Variants in CARMIL1 observed in about 807,000 individuals in gnomAD.
CARMIL1 encodes capping protein regulator and myosin 1 linker 1, also known as F-actin-uncapping protein LRRC16A.
A neutral mutation model predicts 177.1 loss-of-function variants in CARMIL1; 90 were observed. That is an observed-to-expected ratio of 0.51 (90% confidence interval 0.43 to 0.61). CARMIL1 has a LOEUF of 0.61. Among genes scored for constraint, CARMIL1 ranks in the 20% least tolerant of loss-of-function variants. The pLI, the probability that CARMIL1 is intolerant of heterozygous loss-of-function variation, is 0.00. For synonymous variants in CARMIL1, 577 were observed against 606.2 expected (o/e 0.95, Z 0.71); for missense variants, 1,380 against 1,667.0 (o/e 0.83, Z 3.00).
intron 2 of CARMIL1, among the ~76,000 whole-genome samples, chr6:25,409,749 A>G (rs1328990306): frequency 2.6e-5 from 4 of 152,156 alleles, no homozygotes; most frequent in Non-Finnish European, 1.5e-5. Context: ...TGCGAGTACC[A>G]TGTATATACT....
intron 17 of CARMIL1, among the ~76,000 whole-genome samples, chr6:25,507,033 G>A (rs765861348): frequency 1.3e-5 from 2 of 152,078 alleles, no homozygotes; most frequent in Non-Finnish European, 2.9e-5. Flanking sequence ...ATTTTTAACC[G>A]TTTAAAAAGT....
chr6:25,573,916 G>A (rs1184231306), intron 29 of CARMIL1, among the ~76,000 whole-genome samples: 1 of 152,118 alleles, frequency 6.6e-6, no homozygotes, highest in Non-Finnish European at 1.5e-5. Context: ...CTTGGGCTCT[G>A]GAAAACAATA....
chr6:25,489,690 C>T (rs554581763), intron 13 of CARMIL1, among the ~76,000 whole-genome samples: 52 of 152,242 alleles, frequency 3.4e-4, no homozygotes, highest in Non-Finnish European at 6.0e-4. Flanking sequence ...TTTTGGTTTA[C>T]CTGTAAGGCA....
At chr6:25,611,235 G>T (rs1259598501) in intron 36 of CARMIL1, among the ~76,000 whole-genome samples, 1 of 152,144 alleles carries the variant, frequency 6.6e-6, no homozygotes, top group Middle Eastern at 3.2e-3. Context: ...TCACTTATTT[G>T]CTATAAATAA....
chr6:25,493,890 C>T (rs79663265), intron 15 of CARMIL1, among the ~76,000 whole-genome samples: 4,943 of 152,144 alleles, frequency 0.032, 114 homozygotes, highest in South Asian at 0.12. Context: ...TATATGGAAA[C>T]AGAGTTGTTT....
intron 2 of CARMIL1, among the ~76,000 whole-genome samples, chr6:25,310,933 CG>C (rs1783766654): frequency 6.6e-6 from 1 of 151,972 alleles, no homozygotes; most frequent in Admixed American, 6.6e-5. Flanking sequence ...GGGTTGAGGC[CG>C]GGTGCGGTGG....
intron 35 of CARMIL1, among the ~76,000 whole-genome samples, chr6:25,608,977 A>C (rs1816254310): frequency 6.6e-6 from 1 of 152,196 alleles, no homozygotes; most frequent in South Asian, 2.1e-4. Flanking sequence ...ATATGCTGAC[A>C]CTAACAATAG....
intron 29 of CARMIL1, among the ~76,000 whole-genome samples, chr6:25,578,919 G>C (rs1812856181): frequency 6.6e-6 from 1 of 152,022 alleles, no homozygotes; most frequent in African/African-American, 2.4e-5. Flanking sequence ...AAGACCAAGA[G>C]GAGAAAACTA....
intron 9 of CARMIL1, among the ~76,000 whole-genome samples, chr6:25,467,508 C>A (rs1370188649): frequency 6.6e-6 from 1 of 152,202 alleles, no homozygotes; most frequent in Non-Finnish European, 1.5e-5. Flanking sequence ...GGATATCTCA[C>A]TTTTGGAGAG....
At chr6:25,307,681 T>C (rs1045873273) in intron 2 of CARMIL1, among the ~76,000 whole-genome samples, 1 of 152,188 alleles carries the variant, frequency 6.6e-6, no homozygotes, top group Non-Finnish European at 1.5e-5. Flanking sequence ...ATTTAGACAT[T>C]GGGGAAAGGC....
chr6:25,362,227 A>C (rs1033250993), intron 2 of CARMIL1, among the ~76,000 whole-genome samples: 3 of 152,116 alleles, frequency 2.0e-5, no homozygotes, highest in Non-Finnish European at 4.4e-5. Context: ...AGTTCCAGAA[A>C]GGAGTGCCTT....
intron 29 of CARMIL1, among the ~76,000 whole-genome samples, chr6:25,562,531 G>A (rs1011027479): frequency 1.8e-4 from 28 of 152,308 alleles, no homozygotes; most frequent in African/African-American, 5.5e-4. Flanking sequence ...ACAGGCATGA[G>A]CCACCGCACC....
At chr6:25,390,309 TA>T (rs1562073415) in intron 2 of CARMIL1, among the ~76,000 whole-genome samples, 7,462 of 63,866 alleles carry the variant, frequency 0.12, 468 homozygotes, top group Middle Eastern at 0.22. Context: ...TATATATATA[TA>T]TATATATATA....
At chr6:25,343,380 G>C (rs935299957) in intron 2 of CARMIL1, among the ~76,000 whole-genome samples, 2 of 151,174 alleles carry the variant, frequency 1.3e-5, no homozygotes, top group African/African-American at 4.9e-5. Flanking sequence ...CATGAACAAG[G>C]GATAAGTCTG....
intron 16 of CARMIL1, among the ~76,000 whole-genome samples, chr6:25,495,690 A>T (rs958832756): frequency 4.6e-5 from 7 of 152,208 alleles, no homozygotes; most frequent in Non-Finnish European, 7.3e-5. Context: ...TACTGAGGTT[A>T]GCATGGGCTA....
intron 2 of CARMIL1, among the ~76,000 whole-genome samples, chr6:25,387,169 T>C (rs1221432912): frequency 6.6e-6 from 1 of 151,162 alleles, no homozygotes; most frequent in East Asian, 2.0e-4. Flanking sequence ...TGATGTCACC[T>C]TTTACTTCAC....
intron 2 of CARMIL1, among the ~76,000 whole-genome samples, chr6:25,378,276 T>C (rs562869199): frequency 1.3e-5 from 2 of 152,316 alleles, no homozygotes; most frequent in East Asian, 1.9e-4. Flanking sequence ...TTTCAGACAG[T>C]TGACACTCAG....
chr6:25,347,124 CCTCT>C (rs775642711), intron 2 of CARMIL1, among the ~76,000 whole-genome samples: 53 of 152,314 alleles, frequency 3.5e-4, no homozygotes, highest in Admixed American at 9.2e-4. Flanking sequence ...TCAATAATCT[CCTCT>C]CTAAGAGGCA....
At chr6:25,512,368 A>G (rs1029911293) in intron 20 of CARMIL1, among the ~76,000 whole-genome samples, 1 of 152,220 alleles carries the variant, frequency 6.6e-6, no homozygotes, top group African/African-American at 2.4e-5. Context: ...AGTGGCACTC[A>G]TAATGCTGTA....
Sources: gnomAD v4.1 joint callset for allele counts (sites outside exome capture counted in the v4.1 genomes callset) on GRCh38, gnomAD v4.1.1 for gene constraint, MANE v1.5 for transcripts, NCBI Gene and HGNC (gene_info 2026-07-23, HGNC 2026-07-21) for gene names.